NELL1: variants seen among roughly 807,000 people sequenced by gnomAD.
The protein encoded by NELL1 is protein kinase C-binding protein NELL1.
NELL1 carries 76 observed loss-of-function variants against 107.4 expected under a neutral mutation model. That is an observed-to-expected ratio of 0.71 (90% CI 0.59 to 0.86). The LOEUF is 0.86. Ranked by LOEUF, NELL1 falls within the 40% of genes least tolerant of loss-of-function variation. The pLI is 0.00. For missense variants in NELL1, 1,024 were observed against 1,005.5 expected (o/e 1.02, Z -0.25); for synonymous variants, 353 against 341.2 (o/e 1.03, Z -0.38).
In NELL1 at chr11:21,570,882, A is replaced by C; in HGVS notation, c.2099A>C (p.His700Pro). The change falls in exon 18 of 20, where the codon CAC becomes CCC. Residue 700 changes from histidine to proline, a missense_variant. Transcript: ENST00000357134. The part of the protein sequence containing the change: ...VTSQCLDQNG[H>P]KLYRSGDNWT... ...AGTCAATGTTTAGACCAAAATGGTC[A>C]CAAGCTGTATCGAAGTGGAGACAAT... 6.2e-7 allele frequency: 1 copy of C among 1,611,970 alleles called. No homozygotes were observed. Among genetic ancestry groups the C allele is most frequent in the Non-Finnish European group, 8.5e-7 (1 of 1,178,644 alleles).
intron 15 of NELL1, among the ~76,000 whole-genome samples, chr11:21,497,977 G>A (rs376761535): frequency 1.3e-5 from 2 of 151,574 alleles, no homozygotes; most frequent in East Asian, 3.9e-4. Context: ...TTCTTTGTCT[G>A]TTACTTTGCA....
intron 4 of NELL1, among the ~76,000 whole-genome samples, chr11:20,863,926 T>G (rs1254958472): frequency 6.6e-6 from 1 of 152,046 alleles, no homozygotes; most frequent in Non-Finnish European, 1.5e-5. Flanking sequence ...GCCAACACAG[T>G]GAAACCCCGT....
chr11:20,895,763 C>T (rs1232551410), intron 5 of NELL1, among the ~76,000 whole-genome samples: 1 of 152,030 alleles, frequency 6.6e-6, no homozygotes, highest in African/African-American at 2.4e-5. Flanking sequence ...ACCTCGGCCT[C>T]CCAAAGTGCT....
chr11:21,152,640 C>T (rs562681438), intron 13 of NELL1, among the ~76,000 whole-genome samples: 2 of 152,314 alleles, frequency 1.3e-5, no homozygotes, highest in East Asian at 3.9e-4. Context: ...TTATCATACT[C>T]AGCTCTTGTC....
intron 15 of NELL1, among the ~76,000 whole-genome samples, chr11:21,401,668 C>G (rs1295640743): frequency 1.3e-5 from 2 of 151,682 alleles, no homozygotes; most frequent in Non-Finnish European, 2.9e-5. Context: ...GAAAGTAAGG[C>G]AGACTCATTA....
At chr11:21,200,238 T>C (rs1349020181) in intron 13 of NELL1, among the ~76,000 whole-genome samples, 2 of 152,192 alleles carry the variant, frequency 1.3e-5, no homozygotes, top group African/African-American at 2.4e-5. Context: ...TCCACAATGG[T>C]TGAACTAATT....
chr11:20,876,812 C>T (rs1849313262), intron 4 of NELL1, among the ~76,000 whole-genome samples: 1 of 152,084 alleles, frequency 6.6e-6, no homozygotes, highest in Admixed American at 6.6e-5. Flanking sequence ...GATAGCTCAT[C>T]AGTGTACACA....
intron 13 of NELL1, among the ~76,000 whole-genome samples, chr11:21,195,448 A>G (rs1030196165): frequency 6.6e-6 from 1 of 151,974 alleles, no homozygotes; most frequent in Non-Finnish European, 1.5e-5. Context: ...AATCTTAGAG[A>G]TATTCCTATT....
chr11:21,493,651 AG>A lies in NELL1; in HGVS notation c.1646-40722del, dbSNP rs200363272. On this transcript the variant is annotated intron_variant, in intron 15 of 19. Transcript: ENST00000357134. The stretch of plus-strand genomic sequence containing the variant: ...GGTTGATTAGTGAATACAAACATAT[AG>A]TTACGTAGAAGAAATATGCCCCAAT... Among the ~76,000 whole-genome samples the A allele has an allele frequency of 5.9e-3, 897 of 152,166 alleles. 8 individuals are homozygous for A. The highest frequency in any genetic ancestry group is 0.02 in the African/African-American group (845 of 41,554).
intron 2 of NELL1, among the ~76,000 whole-genome samples, chr11:20,726,660 A>G (rs1369474453): frequency 6.6e-6 from 1 of 152,102 alleles, no homozygotes; most frequent in Non-Finnish European, 1.5e-5. Flanking sequence ...GGTTTGTTAC[A>G]TAGGTATACA....
chr11:21,069,808 C>T (rs1590606502), intron 12 of NELL1, among the ~76,000 whole-genome samples: 1 of 152,070 alleles, frequency 6.6e-6, no homozygotes, highest in South Asian at 2.1e-4. Flanking sequence ...AGGCAGGAGG[C>T]CAGGCTCCCC....
At chr11:21,550,821 C>T (rs1464070876) in intron 16 of NELL1, among the ~76,000 whole-genome samples, 2 of 151,868 alleles carry the variant, frequency 1.3e-5, no homozygotes, top group East Asian at 1.9e-4. Flanking sequence ...CTTGGCAATG[C>T]AGGCTCTTTT....
rs1199817546 is a variant in NELL1 at position 21,232,159 on chromosome 11, A to AAT, written c.1549+2723_1549+2724dup. Among the ~76,000 whole-genome samples the AAT allele has an allele frequency of 4.8e-3, 349 of 73,190 alleles. 5 individuals are homozygous for AAT. Among genetic ancestry groups the AAT allele is most frequent in the African/African-American group, 0.016 (306 of 19,398 alleles). 48.0% of individuals were successfully genotyped at this position (73,190 alleles called of 152,430 possible). ...TACTAAAAAAAAATAAAAAAAAAAA[A>AAT]ATATATATATATATATATAAATTAG... On this transcript the variant is annotated intron_variant, in intron 14 of 19. Transcript: ENST00000357134.
intron 13 of NELL1, among the ~76,000 whole-genome samples, chr11:21,209,370 C>T (rs1040744812): frequency 1.3e-5 from 2 of 149,118 alleles, no homozygotes; most frequent in African/African-American, 4.9e-5. Flanking sequence ...TTACTTCTTA[C>T]CCCCATATTA....
intron 2 of NELL1, among the ~76,000 whole-genome samples, chr11:20,764,920 G>C (rs1856498572): frequency 6.6e-6 from 1 of 152,100 alleles, no homozygotes; most frequent in African/African-American, 2.4e-5. Context: ...CCAGCACTTT[G>C]GGAAGCCAAG....
intron 14 of NELL1, among the ~76,000 whole-genome samples, chr11:21,300,426 T>G (rs183056953): frequency 1.3e-5 from 2 of 152,016 alleles, no homozygotes; most frequent in African/African-American, 4.8e-5. Context: ...TTCACATTTC[T>G]GGGCTAGGAC....
At chr11:21,126,017 A>G (rs1855478815) in intron 13 of NELL1, among the ~76,000 whole-genome samples, 1 of 152,220 alleles carries the variant, frequency 6.6e-6, no homozygotes, top group Admixed American at 6.5e-5. Context: ...AGCATAGAGT[A>G]AACGCTCAAT....
At chr11:21,569,294 C>A (rs1030348820) in intron 17 of NELL1, among the ~76,000 whole-genome samples, 8 of 151,866 alleles carry the variant, frequency 5.3e-5, no homozygotes, top group African/African-American at 1.9e-4. Context: ...TCTTCAAAGA[C>A]CATTGCTGAA....
At position 21,064,885 on chromosome 11, in the gene NELL1, C is replaced by T. The variant is rs374094921; in HGVS notation, c.1301-48704C>T. Among the ~76,000 whole-genome samples, 9 of 152,262 alleles carry T rather than the reference C, an allele frequency of 5.9e-5. No homozygotes were observed. The East Asian group carries it at 1.7e-3, about 29-fold the overall frequency. ...TGACCTGGATTACCCATTTAATTCA[C>T]AAATCACTTTGATTCCTCAGCAATC... On this transcript the variant is annotated intron_variant, in intron 12 of 19. Transcript: ENST00000357134.
Sources: gnomAD v4.1 joint callset for allele counts (sites outside exome capture counted in the v4.1 genomes callset) on GRCh38, gnomAD v4.1.1 for gene constraint, MANE v1.5 for transcripts, NCBI Gene and HGNC (gene_info 2026-07-23, HGNC 2026-07-21) for gene names.